The following KCTD5 variants were observed in gnomAD, a reference collection of about 807,000 sequenced individuals.
KCTD5 encodes BTB/POZ domain-containing protein KCTD5.
Under a neutral mutation model 27.9 loss-of-function variants are expected in KCTD5, and 12 were observed. That is an observed-to-expected ratio of 0.43 (90% CI 0.28 to 0.70). KCTD5 has a LOEUF of 0.70. Ranked by LOEUF, KCTD5 falls within the 30% of genes least tolerant of loss-of-function variation. The probability of loss-of-function intolerance (pLI) is 0.19; values close to 1 mark genes in which losing one functional copy is unlikely to be tolerated. For missense variants in KCTD5, 226 were observed against 274.8 expected (o/e 0.82, Z 1.26); for synonymous variants, 147 against 121.4 (o/e 1.21, Z -1.39).
chr16:2,696,946 C>T (rs1161970167), intron 2 of KCTD5, among the ~76,000 whole-genome samples: 5 of 152,236 alleles, frequency 3.3e-5, no homozygotes, highest in African/African-American at 1.2e-4. Flanking sequence ...CGAGGCTTCG[C>T]TTTATCTCAT....
At chr16:2,687,911 T>C (rs1457587229) in intron 1 of KCTD5, among the ~76,000 whole-genome samples, 4 of 152,114 alleles carry the variant, frequency 2.6e-5, no homozygotes, top group Non-Finnish European at 5.9e-5. Context: ...CAGTTCTCCA[T>C]GGACTGCAGA....
At chr16:2,698,644 T>C (rs1373862703) in intron 3 of KCTD5, among the ~76,000 whole-genome samples, 2 of 138,640 alleles carry the variant, frequency 1.4e-5, no homozygotes, top group Non-Finnish European at 3.1e-5. Flanking sequence ...GAGTGGGGTG[T>C]GTGCCGCACT....
rs532298126 is a variant in KCTD5, at chr16:2,689,518, C to T, written c.253-6417C>T. ...TTGATTTCGTTCCCCTCTGGTGGCA[C>T]GTGTCTCCGAGCACCGGGAATGACT... On this transcript the variant is annotated intron_variant, in intron 1 of 5. Transcript: ENST00000301738. Among the ~76,000 whole-genome samples, 34 of 131,152 alleles carry T rather than the reference C, an allele frequency of 2.6e-4. No homozygotes were observed. In the East Asian group the frequency reaches 7.0e-3, roughly 27 times the overall value. The allele number at this position is 131,152 out of a possible 152,430, so 86.0% of individuals were successfully genotyped here.
At chr16:2,700,207 G>C (rs1357203485) in intron 4 of KCTD5, among the ~76,000 whole-genome samples, 1 of 152,190 alleles carries the variant, frequency 6.6e-6, no homozygotes, top group Admixed American at 6.5e-5. Context: ...ACCTCTGTGT[G>C]AGGGAGGGGA....
intron 1 of KCTD5, 168 bp downstream of exon 1, chr16:2,682,968 C>T: frequency 1.3e-6 from 1 of 785,096 alleles, no homozygotes; most frequent in Non-Finnish European, 1.9e-6. Context: ...GCCCCGATCC[C>T]CTACCCTGGG....
intron 5 of KCTD5, among the ~76,000 whole-genome samples, chr16:2,703,997 C>T (rs578056826): frequency 2.0e-5 from 3 of 152,204 alleles, no homozygotes; most frequent in African/African-American, 4.8e-5. Flanking sequence ...TATTTCTGAG[C>T]TGAGTTTTTA....
chr16:2,699,346 AAGCAGCTCAGCCTTCGGGAGGCC>A (rs1231800862), intron 3 of KCTD5: 1 of 399,212 alleles, frequency 2.5e-6, no homozygotes, highest in African/African-American at 2.1e-5. Flanking sequence ...GAGTTTTAGG[AAGCAGCTCAGCCTTCGGGAGGCC>A]CAAGTCCAGG....
intron 4 of KCTD5, 79 bp downstream of exon 4, chr16:2,699,995 C>T (rs903609084): frequency 3.0e-6 from 4 of 1,330,366 alleles, no homozygotes; most frequent in Admixed American, 1.7e-5. Flanking sequence ...CTCAGTGCTC[C>T]TGGAAATGCA....
chr16:2,688,220 AATAAATAAATATATAT>A lies in KCTD5; in HGVS notation c.252+5424_252+5439del, dbSNP rs1327291781. The stretch of plus-strand genomic sequence containing the variant: ...CTTGGTTTTTATTATTAAATAAATA[AATAAATAAATATATAT>A]ATATATATATTTATTTATTTATTTA... On this transcript the variant is annotated intron_variant, in intron 1 of 5. Transcript: ENST00000301738. Among the ~76,000 whole-genome samples, 132 of 81,036 alleles carry A rather than the reference AATAAATAAATATATAT, an allele frequency of 1.6e-3. 2 individuals are homozygous for A. The highest frequency in any genetic ancestry group is 5.3e-3 in the African/African-American group (112 of 21,032). 53.2% of individuals were successfully genotyped at this position (81,036 alleles called of 152,430 possible). A position where few individuals can be genotyped will look rare whatever the true frequency, so the allele number is the denominator to read the frequency against.
chr16:2,706,737 C>T (rs1423339961), intron 5 of KCTD5, among the ~76,000 whole-genome samples: 2 of 149,940 alleles, frequency 1.3e-5, no homozygotes, highest in Non-Finnish European at 2.9e-5. Context: ...AGGGGATCCC[C>T]GCAGCGTGAT....
intron 1 of KCTD5, 118 bp downstream of exon 1, chr16:2,682,918 C>A: frequency 8.0e-7 from 1 of 1,254,326 alleles, no homozygotes. Context: ...CCTCGGGCTT[C>A]GAGCCCCGCG....
chr16:2,689,741 A>G (rs1285891049), intron 1 of KCTD5, among the ~76,000 whole-genome samples: 2 of 151,362 alleles, frequency 1.3e-5, no homozygotes, highest in East Asian at 3.9e-4. Context: ...TGTAATGCAC[A>G]ATTTTGGCTC....
intron 4 of KCTD5, among the ~76,000 whole-genome samples, chr16:2,700,645 C>T (rs970470112): frequency 8.6e-5 from 13 of 151,680 alleles, no homozygotes; most frequent in Non-Finnish European, 1.5e-5. Flanking sequence ...TCCTGAGTTT[C>T]CTCTGTCACT....
chr16:2,698,929 C>A lies in KCTD5; in HGVS notation c.454-892C>A, dbSNP rs189645409. Among the ~76,000 whole-genome samples, 35 of 152,324 alleles carry A rather than the reference C, an allele frequency of 2.3e-4. 1 individual carries two copies. The East Asian group carries it at 4.2e-3, about 18-fold the overall frequency. On this transcript the variant is annotated intron_variant, in intron 3 of 5. Transcript: ENST00000301738. ...GGCACTCCCTGCCTCAGTCTACCTA[C>A]CTGTATGACGCAGGTGGGCAGGAAA...
At chr16:2,693,452 G>A (rs1214779636) in intron 1 of KCTD5, among the ~76,000 whole-genome samples, 1 of 152,234 alleles carries the variant, frequency 6.6e-6, no homozygotes, top group Non-Finnish European at 1.5e-5. Flanking sequence ...CCCGCCCAGT[G>A]GTAGGAGTGG....
chr16:2,688,644 G>A (rs867260422), intron 1 of KCTD5, among the ~76,000 whole-genome samples: 34 of 128,450 alleles, frequency 2.6e-4, no homozygotes, highest in Admixed American at 9.8e-4. Context: ...TGTCAGCCTC[G>A]GGTGATGCAC....
intron 1 of KCTD5, among the ~76,000 whole-genome samples, chr16:2,690,813 C>T (rs1278706829): frequency 2.6e-5 from 4 of 152,262 alleles, no homozygotes; most frequent in East Asian, 3.8e-4. Flanking sequence ...TAAACCTCCC[C>T]GAGGTGACCT....
At chr16:2,690,237 C>T (rs946091647) in intron 1 of KCTD5, among the ~76,000 whole-genome samples, 6 of 152,250 alleles carry the variant, frequency 3.9e-5, no homozygotes. Flanking sequence ...GCGGAGTCTT[C>T]CTCCGTCTGC....
At chr16:2,699,424 G>C (rs1486490748) in intron 3 of KCTD5, 2 of 359,174 alleles carry the variant, frequency 5.6e-6, no homozygotes, top group African/African-American at 2.1e-5. Context: ...CTGGGAGCGA[G>C]CTTCGTCTGG....
Sources: gnomAD v4.1 joint callset for allele counts (sites outside exome capture counted in the v4.1 genomes callset) on GRCh38, gnomAD v4.1.1 for gene constraint, MANE v1.5 for transcripts, NCBI Gene and HGNC (gene_info 2026-07-23, HGNC 2026-07-21) for gene names.